LRFN2: variants seen among roughly 807,000 people sequenced by gnomAD.
The protein encoded by LRFN2 is leucine-rich repeat and fibronectin type-III domain-containing protein 2.
A neutral mutation model predicts 37.3 loss-of-function variants in LRFN2; 18 were observed. The observed-to-expected ratio is 0.48, with a 90% confidence interval of 0.33 to 0.72. The LOEUF is 0.72. Ranked by LOEUF, LRFN2 falls within the 30% of genes least tolerant of loss-of-function variation. The pLI, the probability that LRFN2 is intolerant of heterozygous loss-of-function variation, is 0.02. For synonymous variants in LRFN2, 556 were observed against 466.6 expected, an observed-to-expected ratio of 1.19 and a Z score of -2.47; for missense variants, 1,006 against 1,060.7, an observed-to-expected ratio of 0.95 and a Z score of 0.72.
intron 2 of LRFN2, among the ~76,000 whole-genome samples, chr6:40,418,379 A>T (rs984079144): frequency 6.6e-6 from 1 of 151,814 alleles, no homozygotes. Flanking sequence ...TGAACTTTTC[A>T]TCTCTCCCCC....
chr6:40,486,034 C>T (rs1397513484), intron 1 of LRFN2, among the ~76,000 whole-genome samples: 1 of 152,236 alleles, frequency 6.6e-6, no homozygotes, highest in African/African-American at 2.4e-5. Flanking sequence ...ATCAGTGCTA[C>T]CCCTCCCTCC....
At chr6:40,579,251 T>G (rs1051723121) in intron 1 of LRFN2, among the ~76,000 whole-genome samples, 1 of 152,166 alleles carries the variant, frequency 6.6e-6, no homozygotes, top group Non-Finnish European at 1.5e-5. Context: ...GGATTTAATG[T>G]CTATTCCAGG....
chr6:40,400,380 C>G (rs371450727), intron 2 of LRFN2, among the ~76,000 whole-genome samples: 11 of 150,194 alleles, frequency 7.3e-5, no homozygotes, highest in African/African-American at 2.7e-4. Context: ...CTCTCAGACA[C>G]TGGCTGGTTC....
At chr6:40,500,871 ATGCCTACTG>A (rs149156140) in intron 1 of LRFN2, among the ~76,000 whole-genome samples, 1,818 of 152,074 alleles carry the variant, frequency 0.012, 36 homozygotes, top group African/African-American at 0.039. Context: ...ATACACCAAA[ATGCCTACTG>A]TGTTATCCTT....
intron 1 of LRFN2, among the ~76,000 whole-genome samples, chr6:40,540,994 T>C (rs1305234858): frequency 6.6e-6 from 1 of 152,198 alleles, no homozygotes; most frequent in Non-Finnish European, 1.5e-5. Flanking sequence ...GCTTGTGAGC[T>C]ATGCTGTTAT....
chr6:40,562,827 GCACT>G (rs112751953), intron 1 of LRFN2, among the ~76,000 whole-genome samples: 1,835 of 147,906 alleles, frequency 0.012, 31 homozygotes, highest in African/African-American at 0.034. Flanking sequence ...TTATGTGCGT[GCACT>G]CACTCACACA....
rs1581671121 is a variant in LRFN2, at chr6:40,392,998, T to G, written c.1401-86A>C. On this transcript the variant is annotated intron_variant, in intron 2 of 2. Transcript: ENST00000338305. The surrounding 1 kb of genome is among the most constrained non-coding windows in gnomAD (Gnocchi z 4.7). ...GGAGTGGACAGAGGTAGAAACAGAG[T>G]GACAGAGATGGGGAGGGGGAGGGGA... 2.4e-4 allele frequency: 241 copies of G among 999,094 alleles called. No homozygotes were observed. The highest frequency in any genetic ancestry group is 1.2e-3 in the South Asian group (52 of 43,458). The allele number at this position is 999,094 out of a possible 1,614,324, so 61.9% of individuals were successfully genotyped here.
intron 2 of LRFN2, among the ~76,000 whole-genome samples, chr6:40,401,260 C>A (rs1280260865): frequency 6.6e-6 from 1 of 152,150 alleles, no homozygotes; most frequent in Admixed American, 6.5e-5. Context: ...ACTCTCCAGG[C>A]TCCCTTGCAG....
chr6:40,435,036 TATATATATATATATATAGAGAGAGAGAG>T (rs1247985453), intron 1 of LRFN2, among the ~76,000 whole-genome samples: 3 of 92,998 alleles, frequency 3.2e-5, no homozygotes, highest in East Asian at 3.3e-4. Flanking sequence ...TATATATATA[TATATATATATATATATAGAGAGAGAGAG>T]AGAGAGAGAG....
At chr6:40,448,196 G>A (rs1367573220) in intron 1 of LRFN2, among the ~76,000 whole-genome samples, 1 of 152,048 alleles carries the variant, frequency 6.6e-6, no homozygotes, top group Non-Finnish European at 1.5e-5. Context: ...TGCTGAGTTG[G>A]GGAAGCAGCT....
intron 1 of LRFN2, among the ~76,000 whole-genome samples, chr6:40,526,227 C>G (rs773456406): frequency 6.6e-6 from 1 of 152,180 alleles, no homozygotes; most frequent in Non-Finnish European, 1.5e-5. Context: ...CAGCGTGCTC[C>G]GCAGCTAGTC....
chr6:40,520,163 GTT>G (rs1412188718), intron 1 of LRFN2, among the ~76,000 whole-genome samples: 1 of 152,180 alleles, frequency 6.6e-6, no homozygotes, highest in African/African-American at 2.4e-5. Flanking sequence ...CTCAGCTTTG[GTT>G]TTAGGCAGAA....
Position 40,418,804 on chromosome 6 carries a change from C to T in LRFN2, c.1400+12910G>A, listed in dbSNP as rs560042513. Among the ~76,000 whole-genome samples the T allele has an allele frequency of 1.2e-3, 183 of 152,296 alleles. 1 individual carries two copies. The highest frequency in any genetic ancestry group is 2.1e-3 in the Non-Finnish European group (140 of 68,018). ...ACATGAGTCCAAATAAGAAAACATG[C>T]AGAACAGCTTTAGAACAGTACCTGG... On this transcript the variant is annotated intron_variant, in intron 2 of 2. Coordinates refer to ENST00000338305, the MANE Select transcript of LRFN2 (RefSeq NM_020737.3).
intron 1 of LRFN2, among the ~76,000 whole-genome samples, chr6:40,459,045 T>G (rs1008182153): frequency 3.9e-5 from 6 of 152,244 alleles, no homozygotes; most frequent in African/African-American, 1.4e-4. Flanking sequence ...ATGTTTTAGT[T>G]TATTTCATAC....
In LRFN2 at chr6:40,468,389, G is replaced by A. The variant is rs527768686; in HGVS notation, c.-18-35258C>T. On this transcript the variant is annotated intron_variant, in intron 1 of 2. Transcript: ENST00000338305. The stretch of plus-strand genomic sequence containing the variant: ...AGTAAAAACATGATAAGAAAGGGAT[G>A]TATTAAAACCACACAGAATGGAAAG... Among the ~76,000 whole-genome samples the A allele has an allele frequency of 4.6e-5, 7 of 152,244 alleles. No individual in the cohort carries two copies. The East Asian group carries it at 1.2e-3, about 25-fold the overall frequency.
chr6:40,420,095 C>T (rs1483824203), intron 2 of LRFN2, among the ~76,000 whole-genome samples: 2 of 152,344 alleles, frequency 1.3e-5, no homozygotes, highest in South Asian at 2.1e-4. Context: ...GCATCAGCCC[C>T]ACAGCCGCAG....
intron 2 of LRFN2, among the ~76,000 whole-genome samples, chr6:40,413,840 T>A (rs774685261): frequency 9.4e-5 from 14 of 148,178 alleles, no homozygotes; most frequent in Admixed American, 1.3e-4. Context: ...TTCCTCCTTA[T>A]GTGCAGGTGG....
At position 40,431,777 on chromosome 6, in the gene LRFN2, G is replaced by A; in HGVS notation, c.1337C>T (p.Ala446Val). The change falls in exon 2 of 3, where the codon GCA becomes GTA. Residue 446 changes from alanine to valine, a missense_variant. This residue lies in a region of LRFN2 where 120 missense variants were observed against 178.4 expected (regional missense o/e 0.67). Coordinates refer to ENST00000338305, the MANE Select transcript of LRFN2 (RefSeq NM_020737.3). ...ALVKWSVSKS[A>V]PRVKMYQLQY... The stretch of plus-strand genomic sequence containing the variant: ...CAGCTGGTACATCTTCACCCGGGGT[G>A]CTGACTTGCTGACAGACCACTTGAC... 1 of 1,531,844 alleles carries A rather than the reference G, an allele frequency of 6.5e-7. No individual in the cohort carries two copies. Among genetic ancestry groups the A allele is most frequent in the Non-Finnish European group, 8.8e-7 (1 of 1,139,366 alleles). The allele number at this position is 1,531,844 out of a possible 1,614,324, so 94.9% of individuals were successfully genotyped here.
chr6:40,421,502 G>A (rs1275447966), intron 2 of LRFN2, among the ~76,000 whole-genome samples: 2 of 152,190 alleles, frequency 1.3e-5, no homozygotes, highest in African/African-American at 4.8e-5. Flanking sequence ...ATTGGCAATT[G>A]GCTGAGTTAT....
Sources: allele counts gnomAD v4.1 joint callset (sites outside exome capture counted in the v4.1 genomes callset), GRCh38; gene constraint gnomAD v4.1.1; regional missense constraint gnomAD v4.1.1; non-coding constraint Gnocchi (gnomAD v3.1); transcripts MANE v1.5; gene names NCBI Gene and HGNC (gene_info 2026-07-23, HGNC 2026-07-21).